Variants in PSMD5 observed in about 807,000 individuals in gnomAD.
The protein encoded by PSMD5 is 26S proteasome non-ATPase regulatory subunit 5.
In PSMD5, 40 loss-of-function variants were observed where a neutral mutation model predicts 52.1. The ratio of observed to expected loss-of-function variants is 0.77; its 90% CI spans 0.60 to 1.00. The LOEUF is 1.00. Among genes scored for constraint, PSMD5 ranks in the 50% least tolerant of loss-of-function variants. PSMD5 has a pLI of 0.00. For synonymous variants in PSMD5, 211 were observed against 226.6 expected (o/e 0.93, Z 0.62); for missense variants, 575 against 605.2 (o/e 0.95, Z 0.52).
At position 120,829,130 on chromosome 9, in the gene PSMD5, T is replaced by A; in HGVS notation, c.640A>T (p.Arg214Ter). 6.2e-7 allele frequency: 1 copy of A among 1,606,218 alleles called. No homozygotes were observed. Among genetic ancestry groups the A allele is most frequent in the South Asian group, 1.1e-5 (1 of 89,520 alleles). ...TTSGLVTQLLRELTGEDVLVR... is the reference protein window; with the variant it reads ...TTSGLVTQLL ...AACACATCCTCACCAGTCAGCTCTCTCAGGAGCTGGGTTACCAATCCACTT... is the reference window on the plus strand; with the variant it reads ...AACACATCCTCACCAGTCAGCTCTCACAGGAGCTGGGTTACCAATCCACTT... Residue 214 changes from arginine to a stop codon, truncating the protein, a stop_gained, in exon 5 of 10, where the codon AGA becomes TGA. Coordinates refer to ENST00000210313, the MANE Select transcript of PSMD5 (RefSeq NM_005047.4). LOFTEE classifies it high-confidence loss of function.
intron 4 of PSMD5, among the ~76,000 whole-genome samples, chr9:120,830,739 A>G (rs1223797315): frequency 6.6e-6 from 1 of 152,200 alleles, no homozygotes; most frequent in Non-Finnish European, 1.5e-5. Context: ...AGTTTACTGT[A>G]AGAATTAAAG....
intron 1 of PSMD5, among the ~76,000 whole-genome samples, chr9:120,838,250 G>C (rs572880740): frequency 3.9e-5 from 6 of 152,308 alleles, no homozygotes; most frequent in African/African-American, 1.2e-4. Flanking sequence ...GTTTTATTAA[G>C]TGCAGTTCAT....
intron 1 of PSMD5, among the ~76,000 whole-genome samples, chr9:120,834,136 C>T (rs1210485816): frequency 2.0e-5 from 3 of 151,978 alleles, no homozygotes; most frequent in Non-Finnish European, 4.4e-5. Flanking sequence ...CATGCCACCA[C>T]ACCCGGCTAA....
Position 120,817,770 on chromosome 9 carries a change from G to A in PSMD5, c.*136C>T. 1 of 1,016,778 alleles carries A rather than the reference G, an allele frequency of 9.8e-7. No homozygotes were observed. The highest frequency in any genetic ancestry group is 1.7e-5 in the South Asian group (1 of 60,046). The allele number at this position is 1,016,778 out of a possible 1,614,324, so 63.0% of individuals were successfully genotyped here. A position where few individuals can be genotyped will look rare whatever the true frequency, so the allele number is the denominator to read the frequency against. On this transcript the variant is annotated 3_prime_UTR_variant, in exon 10 of 10. Transcript: ENST00000210313. ...TTCAATGTAGAAATATAACAGTGTT[G>A]GTAACAAAGTAACATCTGACATTCC... is the stretch of plus-strand genomic sequence containing the variant.
intron 6 of PSMD5, 75 bp downstream of exon 6, chr9:120,826,690 C>G: frequency 6.6e-7 from 1 of 1,510,204 alleles, no homozygotes; most frequent in Admixed American, 1.9e-5. Context: ...ACTCCCTACC[C>G]CAACCCCCTG....
At chr9:120,832,534 T>C (rs780023466) in intron 2 of PSMD5, among the ~76,000 whole-genome samples, 1 of 151,974 alleles carries the variant, frequency 6.6e-6, no homozygotes, top group Non-Finnish European at 1.5e-5. Context: ...GTAGCTGGGA[T>C]TACAGGCACC....
chr9:120,841,534 G>A (rs1025964823), intron 1 of PSMD5, among the ~76,000 whole-genome samples: 1 of 152,090 alleles, frequency 6.6e-6, no homozygotes, highest in Non-Finnish European at 1.5e-5. Context: ...AGCCGAGATC[G>A]CGCCACTGCA....
intron 1 of PSMD5, among the ~76,000 whole-genome samples, chr9:120,837,808 C>T (rs755375505): frequency 1.6e-4 from 25 of 152,280 alleles, no homozygotes; most frequent in East Asian, 1.9e-4. Flanking sequence ...CATGAATGCT[C>T]ACGGCACTGT....
intron 5 of PSMD5, among the ~76,000 whole-genome samples, chr9:120,828,392 T>C (rs2045137731): frequency 6.6e-6 from 1 of 151,640 alleles, no homozygotes; most frequent in Non-Finnish European, 1.5e-5. Flanking sequence ...AGCTAATAAA[T>C]AGTAGAGAGG....
chr9:120,826,973 C>A, intron 5 of PSMD5, 66 bp from the exon 6 acceptor site: 1 of 1,439,296 alleles, frequency 6.9e-7, no homozygotes, highest in African/African-American at 1.4e-5. Flanking sequence ...ATAAATTGCT[C>A]TCATACAGGT....
chr9:120,832,887 C>A (rs1488545118), intron 2 of PSMD5, among the ~76,000 whole-genome samples: 1 of 152,198 alleles, frequency 6.6e-6, no homozygotes, highest in African/African-American at 2.4e-5. Context: ...TTTACAATAG[C>A]ATTTGGTTCA....
At chr9:120,821,584 G>A (rs2045085174) in intron 7 of PSMD5, 120 bp from the exon 8 acceptor site, 1 of 562,072 alleles carries the variant, frequency 1.8e-6, no homozygotes, top group Non-Finnish European at 2.9e-6. Flanking sequence ...CACACTGTTG[G>A]GCAACCATCA....
chr9:120,819,111 A>C (rs2045065433), intron 9 of PSMD5, among the ~76,000 whole-genome samples: 1 of 152,250 alleles, frequency 6.6e-6, no homozygotes. Context: ...TCTTTTCCAA[A>C]TTTTAAGATT....
intron 1 of PSMD5, 117 bp downstream of exon 1, chr9:120,842,620 C>G: frequency 8.0e-7 from 1 of 1,247,476 alleles, no homozygotes; most frequent in Non-Finnish European, 1.1e-6. Flanking sequence ...CTGCAAATTT[C>G]GGCTACTTTC....
chr9:120,824,632 A>C lies in PSMD5; in HGVS notation c.868T>G (p.Cys290Gly). The change falls in exon 7 of 10, where the codon TGT becomes GGT. Residue 290 changes from cysteine (C) to glycine (G), a missense_variant. Coordinates refer to ENST00000210313, the MANE Select transcript of PSMD5 (RefSeq NM_005047.4). ...TCCACAAAGATAGGATAACGCTCAC[A>C]GATCTGTTGAGGACTATCCATGACA... ...LAVMDSPQQI[C>G]ERYPIFVEKV... 6.2e-7 allele frequency: 1 copy of C among 1,614,212 alleles called. No individual in the cohort carries two copies. The highest frequency in any genetic ancestry group is 8.5e-7 in the Non-Finnish European group (1 of 1,180,032).
At chr9:120,819,937 A>G (rs2045072064) in intron 9 of PSMD5, among the ~76,000 whole-genome samples, 1 of 152,002 alleles carries the variant, frequency 6.6e-6, no homozygotes, top group Admixed American at 6.6e-5. Context: ...TGTCCCTGCC[A>G]TTTTCCTTAT....
At chr9:120,823,538 A>ATTTTTTT (rs2045101117) in intron 7 of PSMD5, among the ~76,000 whole-genome samples, 1 of 112,270 alleles carries the variant, frequency 8.9e-6, no homozygotes, top group African/African-American at 3.6e-5. Context: ...TTGAGATAGA[A>ATTTTTTT]TTTCACTCTG....
chr9:120,836,153 C>G (rs1055989075), intron 1 of PSMD5, among the ~76,000 whole-genome samples: 3 of 152,214 alleles, frequency 2.0e-5, no homozygotes, highest in Non-Finnish European at 4.4e-5. Flanking sequence ...CAAAGTTCAT[C>G]TGTCAGAATT....
intron 1 of PSMD5, among the ~76,000 whole-genome samples, chr9:120,836,950 T>C (rs1296100159): frequency 5.4e-5 from 8 of 149,046 alleles, no homozygotes; most frequent in African/African-American, 7.4e-5. Flanking sequence ...AGTGCAGTGG[T>C]GCGATCTTGG....
Sources: gnomAD v4.1 joint callset for allele counts (sites outside exome capture counted in the v4.1 genomes callset) on GRCh38, gnomAD v4.1.1 for gene constraint, MANE v1.5 for transcripts, NCBI Gene and HGNC (gene_info 2026-07-23, HGNC 2026-07-21) for gene names.